The following ZNF536 variants were observed in gnomAD, a reference collection of about 807,000 sequenced individuals.
The protein encoded by ZNF536 is zinc finger protein 536.
In ZNF536, 13 loss-of-function variants were observed where a neutral mutation model predicts 84.5. The ratio of observed to expected loss-of-function variants is 0.15; its 90% CI spans 0.10 to 0.24. The LOEUF (loss-of-function observed/expected upper bound fraction) is 0.24, where lower values mean the gene tolerates loss of function less well. Among genes scored for constraint, ZNF536 ranks in the 10% least tolerant of loss-of-function variants. The pLI is 1.00. For synonymous variants in ZNF536, 811 were observed against 742.5 expected, an observed-to-expected ratio of 1.09 and a Z score of -1.50; for missense variants, 1,536 against 1,747.5, an observed-to-expected ratio of 0.88 and a Z score of 2.16.
chr19:30,281,779 C>G (rs1834240238), intron 1 of ZNF536, among the ~76,000 whole-genome samples: 1 of 152,198 alleles, frequency 6.6e-6, no homozygotes, highest in Non-Finnish European at 1.5e-5. Context: ...ACCCAACCCC[C>G]ACTTAGTTCA....
At chr19:30,662,873 A>G (rs931659517) in intron 1 of ZNF536, among the ~76,000 whole-genome samples, 12 of 152,020 alleles carry the variant, frequency 7.9e-5, no homozygotes, top group Non-Finnish European at 1.5e-4. Context: ...CAACAACTCA[A>G]CGAGGATGAT....
At chr19:30,689,854 G>A (rs567268104) in intron 1 of ZNF536, among the ~76,000 whole-genome samples, 22 of 152,362 alleles carry the variant, frequency 1.4e-4, no homozygotes, top group Admixed American at 5.2e-4. Flanking sequence ...GCTTGTTCCT[G>A]AAGGCTGCAA....
At chr19:30,482,031 A>T (rs1261751608) in intron 2 of ZNF536, among the ~76,000 whole-genome samples, 1 of 152,226 alleles carries the variant, frequency 6.6e-6, no homozygotes, top group African/African-American at 2.4e-5. Flanking sequence ...TCCATGGTGT[A>T]TATGTACCAC....
chr19:30,553,115 GAT>G (rs2045843085), intron 4 of ZNF536, among the ~76,000 whole-genome samples: 2 of 152,198 alleles, frequency 1.3e-5, no homozygotes, highest in African/African-American at 4.8e-5. Flanking sequence ...GGAGAATTTG[GAT>G]ATGCCCTTGG....
At chr19:30,323,819 A>C (rs1242839102) in intron 2 of ZNF536, among the ~76,000 whole-genome samples, 1 of 151,918 alleles carries the variant, frequency 6.6e-6, no homozygotes, top group Admixed American at 6.5e-5. Context: ...TATCCATCCT[A>C]CCATTATTCT....
intron 2 of ZNF536, among the ~76,000 whole-genome samples, chr19:30,304,333 A>G (rs1268009717): frequency 2.6e-5 from 4 of 152,132 alleles, no homozygotes; most frequent in Non-Finnish European, 1.5e-5. Context: ...GCTCACACAC[A>G]ATCTGATGGA....
At chr19:30,247,972 G>C (rs539170608) in intron 1 of ZNF536, among the ~76,000 whole-genome samples, 2 of 152,290 alleles carry the variant, frequency 1.3e-5, no homozygotes, top group East Asian at 3.9e-4. Flanking sequence ...GGCAATTCTA[G>C]ACCCTTATCT....
At chr19:30,248,226 T>TTC (rs945074112) in intron 1 of ZNF536, among the ~76,000 whole-genome samples, 5 of 138,800 alleles carry the variant, frequency 3.6e-5, no homozygotes, top group African/African-American at 1.5e-4. Context: ...TTTTCTTTCT[T>TTC]TTTTTTTTTT....
intron 1 of ZNF536, among the ~76,000 whole-genome samples, chr19:30,625,820 G>T (rs1044071250): frequency 1.3e-5 from 2 of 152,272 alleles, no homozygotes; most frequent in African/African-American, 2.4e-5. Flanking sequence ...TGCCCTTTGG[G>T]GGTTGGAGCT....
intron 2 of ZNF536, among the ~76,000 whole-genome samples, chr19:30,462,139 T>G (rs1022269759): frequency 5.3e-5 from 8 of 152,136 alleles, no homozygotes; most frequent in African/African-American, 1.9e-4. Flanking sequence ...AAGCAGCCAC[T>G]TTGCACTGGA....
chr19:30,284,503 G>T (rs770864535), intron 2 of ZNF536, among the ~76,000 whole-genome samples: 4 of 152,220 alleles, frequency 2.6e-5, no homozygotes, highest in Non-Finnish European at 4.4e-5. Flanking sequence ...TGCCACCTGT[G>T]GTCGGGCTCC....
At chr19:30,440,142 G>A (rs1249253215) in intron 1 of ZNF536, among the ~76,000 whole-genome samples, 1 of 151,602 alleles carries the variant, frequency 6.6e-6, no homozygotes, top group East Asian at 1.9e-4. Context: ...TGTATTTTTA[G>A]TAGAGACGAA....
At chr19:30,246,577 C>T (rs1349219883) in intron 1 of ZNF536, among the ~76,000 whole-genome samples, 4 of 152,202 alleles carry the variant, frequency 2.6e-5, no homozygotes, top group Admixed American at 6.5e-5. Context: ...ACACTGCCCC[C>T]GTCCCCACCC....
At chr19:30,421,965 A>G (rs1047318176) in intron 1 of ZNF536, among the ~76,000 whole-genome samples, 1 of 152,234 alleles carries the variant, frequency 6.6e-6, no homozygotes, top group Admixed American at 6.5e-5. Context: ...GGGTAATGAT[A>G]TAGTTTCCTT....
chr19:30,422,136 C>G (rs946326869), intron 1 of ZNF536, among the ~76,000 whole-genome samples: 1 of 152,142 alleles, frequency 6.6e-6, no homozygotes, highest in Non-Finnish European at 1.5e-5. Context: ...GAGCACAGAT[C>G]TGTAAGGCCC....
At position 30,549,277 on chromosome 19, in the gene ZNF536, G is replaced by A. The variant is rs920442440; in HGVS notation, c.3658G>A (p.Gly1220Arg). 6.2e-6 allele frequency: 10 copies of A among 1,613,722 alleles called. No individual in the cohort carries two copies. Among genetic ancestry groups the A allele is most frequent in the Non-Finnish European group, 8.5e-6 (10 of 1,180,044 alleles). Residue 1220 changes from glycine (G) to arginine (R), a missense_variant, in exon 4 of 5, where the codon GGA becomes AGA. Transcript: ENST00000355537. ...QPTGTSQPVQ[G>R]LVSPLSQAPE... ...CACAGGCACCTCCCAGCCCGTCCAG[G>A]GACTGGTCTCACCTTTATCCCAAGC...
intron 1 of ZNF536, among the ~76,000 whole-genome samples, chr19:30,265,117 AGG>A (rs1568543267): frequency 4.4e-4 from 67 of 152,192 alleles, no homozygotes; most frequent in African/African-American, 1.6e-3. Context: ...GTGTGCCTTC[AGG>A]GTGCTGGCTC....
intron 1 of ZNF536, among the ~76,000 whole-genome samples, chr19:30,247,210 G>T (rs1568525186): frequency 1.3e-5 from 2 of 152,260 alleles, no homozygotes; most frequent in South Asian, 2.1e-4. Context: ...TGCCCCCATT[G>T]TAGGCCAGGT....
At chr19:30,287,458 G>A (rs935193530) in intron 2 of ZNF536, among the ~76,000 whole-genome samples, 1 of 150,194 alleles carries the variant, frequency 6.7e-6, no homozygotes, top group African/African-American at 2.5e-5. Context: ...TGGGTGGATT[G>A]ATGGAGGATG....
Sources: gnomAD v4.1 joint callset for allele counts (sites outside exome capture counted in the v4.1 genomes callset) on GRCh38, gnomAD v4.1.1 for gene constraint, MANE v1.5 for transcripts, NCBI Gene and HGNC (gene_info 2026-07-23, HGNC 2026-07-21) for gene names.